The following ANKS1B variants were observed in gnomAD, a reference collection of about 807,000 sequenced individuals.
The protein encoded by ANKS1B is ankyrin repeat and sterile alpha motif domain-containing protein 1B.
Under a neutral mutation model 148.3 loss-of-function variants are expected in ANKS1B, and 36 were observed. The ratio of observed to expected loss-of-function variants is 0.24; its 90% CI spans 0.19 to 0.32. ANKS1B has a LOEUF of 0.32. ANKS1B is among the 10% of genes least tolerant of loss of function. The pLI is 1.00. For missense variants in ANKS1B, 1,157 were observed against 1,542.6 expected (o/e 0.75, Z 4.19); for synonymous variants, 542 against 560.8 (o/e 0.97, Z 0.47).
intron 20 of ANKS1B, among the ~76,000 whole-genome samples, chr12:98,802,594 CTTTTTTTTTTTTTTTTTTTTTTT>C (rs397850118): frequency 2.9e-5 from 1 of 34,790 alleles, no homozygotes; most frequent in African/African-American, 1.1e-4. Flanking sequence ...AATGCACAGG[CTTTTTTTTTTTTTTTTTTTTTTT>C]TTTTTTTTTT....
At chr12:98,746,012 C>G in intron 26 of ANKS1B, 163 bp from the exon 27 acceptor site, 1 of 666,576 alleles carries the variant, frequency 1.5e-6, no homozygotes, top group Non-Finnish European at 2.4e-6. Context: ...ACACATTTAC[C>G]GCATACCGAC....
At chr12:98,991,555 G>C (rs2099926593) in intron 17 of ANKS1B, among the ~76,000 whole-genome samples, 1 of 152,170 alleles carries the variant, frequency 6.6e-6, no homozygotes. Context: ...CAAACGACCT[G>C]AACATCAATT....
intron 10 of ANKS1B, among the ~76,000 whole-genome samples, chr12:99,503,181 C>A (rs1255595950): frequency 3.9e-5 from 6 of 152,160 alleles, no homozygotes; most frequent in Admixed American, 6.5e-5. Flanking sequence ...AAGTGATCCA[C>A]CCACCTTGTC....
At position 99,609,242 on chromosome 12, in the gene ANKS1B, T is replaced by C. The variant is rs148165512; in HGVS notation, c.1272+45825A>G. Among the ~76,000 whole-genome samples, 35 of 152,098 alleles carry C rather than the reference T, an allele frequency of 2.3e-4. No homozygotes were observed. The East Asian group carries it at 6.6e-3, about 29-fold the overall frequency. On this transcript the variant is annotated intron_variant, in intron 9 of 26. Transcript: ENST00000683438. ...CCATACAGCCTTTTAAAAAAATCCT[T>C]TCAAATGTCTTATTATCAGATTTCA... is the stretch of plus-strand genomic sequence containing the variant.
chr12:99,128,828 TG>T (rs2153745365), intron 15 of ANKS1B, among the ~76,000 whole-genome samples: 1 of 152,220 alleles, frequency 6.6e-6, no homozygotes, highest in East Asian at 1.9e-4. Flanking sequence ...CTAGAAGAAG[TG>T]GAATTCTGTG....
chr12:99,280,984 G>A (rs1318205722), intron 12 of ANKS1B, among the ~76,000 whole-genome samples: 1 of 151,508 alleles, frequency 6.6e-6, no homozygotes, highest in African/African-American at 2.4e-5. Context: ...TTTCTCTGGA[G>A]ACCCTTGACT....
At chr12:99,905,554 A>G (rs1244697698) in intron 1 of ANKS1B, among the ~76,000 whole-genome samples, 1 of 152,226 alleles carries the variant, frequency 6.6e-6, no homozygotes, top group African/African-American at 2.4e-5. Context: ...AAGTTGTATC[A>G]GTTGCTGGGG....
intron 9 of ANKS1B, among the ~76,000 whole-genome samples, chr12:99,518,173 TA>T (rs942951891): frequency 4.6e-5 from 7 of 151,966 alleles, no homozygotes; most frequent in African/African-American, 1.5e-4. Flanking sequence ...TACTGACCAG[TA>T]TTTTTTTTTA....
chr12:99,735,807 C>CA (rs376398944), intron 8 of ANKS1B, among the ~76,000 whole-genome samples: 24,188 of 108,902 alleles, frequency 0.22, 2,817 homozygotes, highest in East Asian at 0.49. Context: ...GGACATATAC[C>CA]AAAAAAAAAA....
chr12:99,596,901 G>A (rs1465848810), intron 9 of ANKS1B, among the ~76,000 whole-genome samples: 1 of 151,824 alleles, frequency 6.6e-6, no homozygotes, highest in East Asian at 1.9e-4. Context: ...GACCAGGAGA[G>A]GATACTGATG....
intron 10 of ANKS1B, among the ~76,000 whole-genome samples, chr12:99,478,262 G>A (rs924262422): frequency 1.3e-5 from 2 of 152,032 alleles, no homozygotes; most frequent in Non-Finnish European, 2.9e-5. Flanking sequence ...ACATGTTTTT[G>A]TAAATTATGC....
chr12:99,812,123 T>A (rs761009920), intron 3 of ANKS1B, 32 bp downstream of exon 3: 13 of 1,587,600 alleles, frequency 8.2e-6, no homozygotes, highest in African/African-American at 1.4e-5. Context: ...ACTAGAAAAA[T>A]TACATCATGA....
At chr12:99,981,817 T>C (rs1339133389) in intron 1 of ANKS1B, among the ~76,000 whole-genome samples, 1 of 152,090 alleles carries the variant, frequency 6.6e-6, no homozygotes, top group South Asian at 2.1e-4. Context: ...ACCCAGGTAA[T>C]AAAGCAAGCG....
At chr12:99,618,108 G>A (rs539854516) in intron 9 of ANKS1B, among the ~76,000 whole-genome samples, 1 of 152,204 alleles carries the variant, frequency 6.6e-6, no homozygotes, top group African/African-American at 2.4e-5. Flanking sequence ...GCCTAATAGA[G>A]ATTTTCTGAT....
At chr12:99,142,588 C>A (rs1348654846) in intron 15 of ANKS1B, among the ~76,000 whole-genome samples, 2 of 152,064 alleles carry the variant, frequency 1.3e-5, no homozygotes, top group Non-Finnish European at 2.9e-5. Flanking sequence ...AAAATAGAAT[C>A]TATTTCTTCT....
intron 8 of ANKS1B, among the ~76,000 whole-genome samples, chr12:99,693,809 C>G (rs2053489272): frequency 7.5e-6 from 1 of 133,534 alleles, no homozygotes; most frequent in Admixed American, 8.3e-5. Context: ...GAGATGGAAT[C>G]TCGCTCTGTC....
At chr12:98,865,448 C>T (rs571083017) in intron 17 of ANKS1B, among the ~76,000 whole-genome samples, 1 of 152,232 alleles carries the variant, frequency 6.6e-6, no homozygotes, top group Non-Finnish European at 1.5e-5. Flanking sequence ...TATTATGTTC[C>T]TGGCATTATT....
At chr12:99,497,968 G>T (rs115567923) in intron 10 of ANKS1B, among the ~76,000 whole-genome samples, 167 of 152,190 alleles carry the variant, frequency 1.1e-3, no homozygotes, top group African/African-American at 3.8e-3. Context: ...TTAACCTAAA[G>T]CATTGAATGC....
chr12:99,508,357 A>T (rs979560674), intron 9 of ANKS1B, among the ~76,000 whole-genome samples: 1 of 151,856 alleles, frequency 6.6e-6, no homozygotes, highest in Non-Finnish European at 1.5e-5. Context: ...CAGACAGCAG[A>T]CGAGAAAAAT....
Sources: allele counts gnomAD v4.1 joint callset (sites outside exome capture counted in the v4.1 genomes callset), GRCh38; gene constraint gnomAD v4.1.1; transcripts MANE v1.5; gene names NCBI Gene and HGNC (gene_info 2026-07-23, HGNC 2026-07-21).